The following UNC80 variants were observed in gnomAD, a reference collection of about 807,000 sequenced individuals.
UNC80 encodes the protein unc-80 subunit of NALCN channel complex, also known as protein unc-80 homolog.
UNC80 carries 164 observed loss-of-function variants against 384.6 expected under a neutral mutation model. The ratio of observed to expected loss-of-function variants is 0.43; its 90% CI spans 0.38 to 0.49. The LOEUF is 0.49. UNC80 is among the 20% of genes least tolerant of loss of function. The probability of loss-of-function intolerance (pLI) is 0.00; values close to 1 mark genes in which losing one functional copy is unlikely to be tolerated. For synonymous variants in UNC80, 1,486 were observed against 1,527.8 expected, an observed-to-expected ratio of 0.97 and a Z score of 0.64; for missense variants, 3,330 against 4,143.0, an observed-to-expected ratio of 0.80 and a Z score of 5.39.
chr2:209,994,599 T>A (rs1390466029), intron 64 of UNC80, among the ~76,000 whole-genome samples: 2 of 152,150 alleles, frequency 1.3e-5, no homozygotes, highest in African/African-American at 4.8e-5. Context: ...CAGAAAAATT[T>A]GAAACTTTGT....
chr2:209,896,252 A>G, intron 27 of UNC80, 61 bp from the exon 28 acceptor site: 3 of 1,438,704 alleles, frequency 2.1e-6, no homozygotes, highest in East Asian at 2.5e-5. Flanking sequence ...ACTGTACCAT[A>G]CCAACATGCT....
At chr2:209,981,538 A>G (rs1024189348) in intron 59 of UNC80, among the ~76,000 whole-genome samples, 2 of 152,206 alleles carry the variant, frequency 1.3e-5, no homozygotes, top group Non-Finnish European at 2.9e-5. Context: ...GATCGCGCCA[A>G]TGCACTCCAG....
intron 23 of UNC80, among the ~76,000 whole-genome samples, chr2:209,873,506 C>CA (rs1304384104): frequency 2.6e-5 from 4 of 152,166 alleles, no homozygotes; most frequent in Admixed American, 6.5e-5. Context: ...TTTATGTATG[C>CA]ATATGAGTAA....
chr2:209,966,710 A>G (rs977065405), intron 51 of UNC80, among the ~76,000 whole-genome samples: 14 of 152,228 alleles, frequency 9.2e-5, no homozygotes, highest in African/African-American at 2.7e-4. Context: ...GAGAAGCACA[A>G]CTTTCCCTCT....
At chr2:209,876,694 A>G (rs938491048) in intron 23 of UNC80, among the ~76,000 whole-genome samples, 2 of 152,166 alleles carry the variant, frequency 1.3e-5, no homozygotes, top group African/African-American at 4.8e-5. Context: ...CAGCACCAAG[A>G]TAAGTCTTTT....
chr2:209,842,731 A>G (rs2124823487), intron 21 of UNC80, among the ~76,000 whole-genome samples: 1 of 152,172 alleles, frequency 6.6e-6, no homozygotes, highest in East Asian at 1.9e-4. Flanking sequence ...AGAACTTTAC[A>G]AAACTTCCAG....
chr2:209,808,512 ATAT>A (rs1323275469), intron 7 of UNC80, among the ~76,000 whole-genome samples: 1 of 144,712 alleles, frequency 6.9e-6, no homozygotes, highest in African/African-American at 2.6e-5. Context: ...TAGTGAGCCG[ATAT>A]CGCGCCACTA....
intron 7 of UNC80, chr2:209,795,652 A>C (rs534963275): frequency 6.6e-6 from 1 of 152,280 alleles, no homozygotes; most frequent in African/African-American, 2.4e-5. Flanking sequence ...GTGGGTCCCA[A>C]CTGCTCCAGC....
At chr2:209,806,476 GTTAA>G (rs2078908235) in intron 7 of UNC80, among the ~76,000 whole-genome samples, 1 of 152,206 alleles carries the variant, frequency 6.6e-6, no homozygotes, top group South Asian at 2.1e-4. Flanking sequence ...ACCCACATGT[GTTAA>G]TTAGACATGA....
chr2:209,877,321 ATAT>A (rs990900872), intron 23 of UNC80, among the ~76,000 whole-genome samples: 2 of 152,204 alleles, frequency 1.3e-5, no homozygotes, highest in Non-Finnish European at 2.9e-5. Context: ...GTAAAAACCA[ATAT>A]TATCCACGTG....
chr2:209,938,336 C>T (rs1325704870), intron 42 of UNC80, among the ~76,000 whole-genome samples: 1 of 152,076 alleles, frequency 6.6e-6, no homozygotes, highest in Non-Finnish European at 1.5e-5. Context: ...TAAATAAAAT[C>T]TTTAAAGAAT....
At chr2:209,938,036 GA>G (rs568160525) in intron 42 of UNC80, among the ~76,000 whole-genome samples, 7 of 150,426 alleles carry the variant, frequency 4.7e-5, no homozygotes, top group East Asian at 3.9e-4. Flanking sequence ...TAGTATGCTT[GA>G]AAAAAAAAGC....
At chr2:209,775,699 C>A (rs1240990750) in intron 2 of UNC80, among the ~76,000 whole-genome samples, 190 bp from the exon 3 acceptor site, 2 of 152,158 alleles carry the variant, frequency 1.3e-5, no homozygotes, top group East Asian at 1.9e-4. Context: ...TTATTACTGA[C>A]CCATTGCACA....
chr2:209,950,283 A>C (rs569190124), intron 47 of UNC80, among the ~76,000 whole-genome samples: 1 of 152,196 alleles, frequency 6.6e-6, no homozygotes, highest in East Asian at 1.9e-4. Context: ...TTTTCTATTT[A>C]ATTTAAGTAC....
intron 23 of UNC80, among the ~76,000 whole-genome samples, chr2:209,874,966 T>G (rs1006188500): frequency 6.6e-6 from 1 of 152,182 alleles, no homozygotes; most frequent in Non-Finnish European, 1.5e-5. Flanking sequence ...TCTCCTCCCC[T>G]ATTGATCCCA....
chr2:209,881,961 CTTCTTTTTT>C (rs902969970), intron 25 of UNC80, among the ~76,000 whole-genome samples: 36 of 148,868 alleles, frequency 2.4e-4, no homozygotes, highest in Admixed American at 2.8e-4. Flanking sequence ...ACCACCTCTC[CTTCTTTTTT>C]TTTTTTTTTT....
chr2:209,813,910 T>C (rs2079542285), intron 8 of UNC80, 69 bp downstream of exon 8: 5 of 1,509,884 alleles, frequency 3.3e-6, no homozygotes, highest in Non-Finnish European at 4.4e-6. Flanking sequence ...TTTTTCTCTG[T>C]GCATCCAGCT....
intron 33 of UNC80, 84 bp downstream of exon 33, chr2:209,918,747 A>G (rs2089774987): frequency 1.4e-6 from 2 of 1,381,704 alleles, no homozygotes; most frequent in Non-Finnish European, 1.9e-6. Context: ...CATTCTCATC[A>G]TAAGAATGTA....
intron 7 of UNC80, among the ~76,000 whole-genome samples, chr2:209,813,312 T>C (rs914979393): frequency 6.6e-6 from 1 of 152,170 alleles, no homozygotes; most frequent in Non-Finnish European, 1.5e-5. Flanking sequence ...CTGACAGAAA[T>C]GCTAATCCTC....
Sources: gnomAD v4.1 joint callset for allele counts (sites outside exome capture counted in the v4.1 genomes callset) on GRCh38, gnomAD v4.1.1 for gene constraint, MANE v1.5 for transcripts, NCBI Gene and HGNC (gene_info 2026-07-23, HGNC 2026-07-21) for gene names.